GPC5: variants seen among roughly 807,000 people sequenced by gnomAD.
GPC5 encodes the protein glypican-5.
In GPC5, 47 loss-of-function variants were observed where a neutral mutation model predicts 53.9. That is an observed-to-expected ratio of 0.87 (90% confidence interval 0.69 to 1.11). The LOEUF is 1.11. GPC5 is among the 50% of genes most tolerant of loss of function. GPC5 has a pLI of 0.00. For synonymous variants in GPC5, 286 were observed against 263.3 expected, an observed-to-expected ratio of 1.09 and a Z score of -0.84; for missense variants, 748 against 713.1, an observed-to-expected ratio of 1.05 and a Z score of -0.56.
At chr13:91,617,449 C>T (rs927698396) in intron 2 of GPC5, among the ~76,000 whole-genome samples, 3 of 151,974 alleles carry the variant, frequency 2.0e-5, no homozygotes, top group African/African-American at 4.8e-5. Flanking sequence ...GGTTAAGCAA[C>T]GGAAGGACAT....
intron 7 of GPC5, among the ~76,000 whole-genome samples, chr13:92,761,395 G>T (rs1013965905): frequency 6.6e-6 from 1 of 152,154 alleles, no homozygotes; most frequent in East Asian, 1.9e-4. Flanking sequence ...ATTTATAATT[G>T]TTACGCCCTC....
intron 7 of GPC5, among the ~76,000 whole-genome samples, chr13:92,408,629 G>GACAC (rs35366487): frequency 2.0e-5 from 3 of 148,006 alleles, no homozygotes; most frequent in Admixed American, 6.8e-5. Context: ...TATATATATA[G>GACAC]ACACACACAC....
At chr13:92,096,591 A>G (rs2041423929) in intron 6 of GPC5, among the ~76,000 whole-genome samples, 1 of 152,160 alleles carries the variant, frequency 6.6e-6, no homozygotes, top group Non-Finnish European at 1.5e-5. Flanking sequence ...CAAGGGTTCC[A>G]CTCTCATGAA....
In GPC5 at chr13:92,544,692, A is replaced by G. The variant is rs576866050; in HGVS notation, c.1562-321590A>G. Among the ~76,000 whole-genome samples the G allele has an allele frequency of 1.3e-4, 20 of 152,196 alleles. No individual in the cohort carries two copies. In the South Asian group the frequency reaches 4.1e-3, roughly 32 times the overall value. ...TTTTTTGTTGTATTAGTAGTGAAAC[A>G]TAATTTATTTTTATTTCTTCTTTTT... On this transcript the variant is annotated intron_variant, in intron 7 of 7. Coordinates refer to ENST00000377067, the MANE Select transcript of GPC5 (RefSeq NM_004466.6).
At chr13:92,725,008 A>T (rs1030185714) in intron 7 of GPC5, among the ~76,000 whole-genome samples, 1 of 151,552 alleles carries the variant, frequency 6.6e-6, no homozygotes, top group African/African-American at 2.4e-5. Flanking sequence ...AAAAAGCTTC[A>T]TATGTAAGAC....
intron 6 of GPC5, among the ~76,000 whole-genome samples, chr13:92,105,762 AT>A (rs1290064359): frequency 5.3e-5 from 8 of 152,014 alleles, no homozygotes; most frequent in African/African-American, 1.4e-4. Flanking sequence ...TTACAAATAC[AT>A]TTTTTGTGCA....
intron 7 of GPC5, among the ~76,000 whole-genome samples, chr13:92,792,900 C>A (rs540261241): frequency 6.6e-6 from 1 of 152,112 alleles, no homozygotes; most frequent in South Asian, 2.1e-4. Flanking sequence ...CCTTAGAGAC[C>A]TACAAAGAGA....
rs971159937 is a variant in GPC5 at position 91,680,224 on chromosome 13, G to C, written c.326-12963G>C. ...CCAGCACTTTGGGAGGCCGAGGGGG[G>C]CAGATCATGAGGTCAGGCGTTCTAG... is the stretch of plus-strand genomic sequence containing the variant. On this transcript the variant is annotated intron_variant, in intron 2 of 7. Coordinates refer to ENST00000377067, the MANE Select transcript of GPC5 (RefSeq NM_004466.6). 3.3e-5 allele frequency among the ~76,000 whole-genome samples: 5 copies of C among 152,318 alleles called. No homozygotes were observed. In the East Asian group the frequency reaches 9.6e-4, roughly 29 times the overall value.
intron 6 of GPC5, among the ~76,000 whole-genome samples, chr13:92,015,167 C>T (rs1394991805): frequency 6.6e-6 from 1 of 152,018 alleles, no homozygotes; most frequent in East Asian, 1.9e-4. Context: ...TATTGATATC[C>T]AGCAGTAGAG....
At chr13:92,103,928 T>A (rs1284392995) in intron 6 of GPC5, among the ~76,000 whole-genome samples, 30 of 152,168 alleles carry the variant, frequency 2.0e-4, no homozygotes, top group Non-Finnish European at 1.5e-5. Context: ...CACATGGACA[T>A]CTCATTCCTC....
intron 2 of GPC5, among the ~76,000 whole-genome samples, chr13:91,561,610 A>G (rs2031265708): frequency 6.6e-6 from 1 of 151,656 alleles, no homozygotes; most frequent in African/African-American, 2.4e-5. Context: ...TAATTTCTAT[A>G]TAGCTATGAG....
At chr13:91,843,367 C>T (rs1207778992) in intron 5 of GPC5, among the ~76,000 whole-genome samples, 1 of 152,014 alleles carries the variant, frequency 6.6e-6, no homozygotes, top group African/African-American at 2.4e-5. Flanking sequence ...TGGAATCTAG[C>T]CACAAAAGTA....
intron 7 of GPC5, among the ~76,000 whole-genome samples, chr13:92,147,227 C>A (rs1410557314): frequency 1.3e-5 from 2 of 151,730 alleles, no homozygotes; most frequent in Admixed American, 1.3e-4. Context: ...AAATATCTTC[C>A]ACTGTATTTA....
intron 7 of GPC5, among the ~76,000 whole-genome samples, chr13:92,702,881 A>C (rs1404776954): frequency 6.6e-6 from 1 of 151,774 alleles, no homozygotes; most frequent in African/African-American, 2.4e-5. Flanking sequence ...CTCCAGCACC[A>C]CTGGTCTCCT....
chr13:92,632,493 T>C (rs1180220252), intron 7 of GPC5, among the ~76,000 whole-genome samples: 2 of 144,880 alleles, frequency 1.4e-5, no homozygotes, highest in Non-Finnish European at 3.0e-5. Context: ...TATACACATA[T>C]ATATATGCAC....
chr13:91,845,693 A>C (rs1460621307), intron 5 of GPC5, among the ~76,000 whole-genome samples: 1 of 152,196 alleles, frequency 6.6e-6, no homozygotes, highest in Non-Finnish European at 1.5e-5. Flanking sequence ...TTCCCTCAAC[A>C]GTACCAAGCA....
At chr13:91,554,615 G>A (rs943407441) in intron 2 of GPC5, among the ~76,000 whole-genome samples, 1 of 152,060 alleles carries the variant, frequency 6.6e-6, no homozygotes, top group Non-Finnish European at 1.5e-5. Flanking sequence ...AAAAGCTATT[G>A]TTCTTTCATC....
At chr13:92,380,815 G>T (rs894134821) in intron 7 of GPC5, among the ~76,000 whole-genome samples, 1 of 150,990 alleles carries the variant, frequency 6.6e-6, no homozygotes, top group Non-Finnish European at 1.5e-5. Flanking sequence ...GCTAGATGAC[G>T]AGTTAGTGGG....
At chr13:91,589,198 T>A (rs1197326640) in intron 2 of GPC5, among the ~76,000 whole-genome samples, 2 of 152,060 alleles carry the variant, frequency 1.3e-5, no homozygotes, top group Non-Finnish European at 2.9e-5. Flanking sequence ...TGTTTTTTTA[T>A]GATAACACTT....
Sources: gnomAD v4.1 joint callset for allele counts (sites outside exome capture counted in the v4.1 genomes callset) on GRCh38, gnomAD v4.1.1 for gene constraint, MANE v1.5 for transcripts, NCBI Gene and HGNC (gene_info 2026-07-23, HGNC 2026-07-21) for gene names.